Variants in PIGB observed in about 807,000 individuals in gnomAD.
PIGB encodes GPI alpha-1,2-mannosyltransferase 3.
In PIGB, 58 loss-of-function variants were observed where a neutral mutation model predicts 68.4. The observed-to-expected ratio is 0.85, with a 90% CI of 0.69 to 1.06. PIGB has a LOEUF of 1.06. Among genes scored for constraint, PIGB ranks in the 50% least tolerant of loss-of-function variants. The pLI is 0.00. For missense variants in PIGB, 634 were observed against 655.8 expected (o/e 0.97, Z 0.36); for synonymous variants, 219 against 220.5 (o/e 0.99, Z 0.06).
chr15:55,355,298 T>A lies in PIGB; in HGVS notation c.1531T>A (p.Phe511Ile). ...TATTTGCTTCTAGGAAATAAGCGCTTTCCTAATTTCAAGCAATTATAAAAG... is the reference window on the plus strand; with the variant it reads ...TATTTGCTTCTAGGAAATAAGCGCTATCCTAATTTCAAGCAATTATAAAAG... ...FSILEEEISA[F>I]LISSNYKRTA... The change falls in exon 12 of 12, where the codon TTC becomes ATC. Residue 511 changes from phenylalanine to isoleucine, a missense_variant. Physicochemically the swap from Phe to Ile is conservative, Grantham distance 21 (BLOSUM62 0). Transcript: ENST00000164305. 2.5e-6 allele frequency: 4 copies of A among 1,608,224 alleles called. No individual in the cohort carries two copies. The highest frequency in any genetic ancestry group is 3.4e-6 in the Non-Finnish European group (4 of 1,177,020).
rs1218231733 is a variant in PIGB, at chr15:55,355,438, C to G, written c.*6C>G. The G allele has an allele frequency of 1.2e-6, 2 of 1,600,106 alleles. No homozygotes were observed. Among genetic ancestry groups the G allele is most frequent in the African/African-American group, 2.7e-5 (2 of 74,338 alleles). On this transcript the variant is annotated 3_prime_UTR_variant, in exon 12 of 12. Coordinates refer to ENST00000164305, the MANE Select transcript of PIGB (RefSeq NM_004855.5). ...ACATGAAGATGAAATTCTGAACTTT[C>G]CTAGATAAATTAACATTGCTGGGTG... is the stretch of plus-strand genomic sequence containing the variant.
At chr15:55,345,304 A>ACAAT (rs548209139) in intron 9 of PIGB, among the ~76,000 whole-genome samples, 86 of 152,152 alleles carry the variant, frequency 5.7e-4, no homozygotes, top group Non-Finnish European at 1.1e-3. Flanking sequence ...CTCCCCAAAA[A>ACAAT]CAATCAGTTA....
chr15:55,339,199 G>A, intron 6 of PIGB, 68 bp from the exon 7 acceptor site: 1 of 1,084,766 alleles, frequency 9.2e-7, no homozygotes, highest in Non-Finnish European at 1.4e-6. Flanking sequence ...CACGTACAAA[G>A]CCATATGCTA....
chr15:55,329,490 C>T (rs1478012135), intron 4 of PIGB, among the ~76,000 whole-genome samples: 2 of 152,126 alleles, frequency 1.3e-5, no homozygotes, highest in Non-Finnish European at 2.9e-5. Flanking sequence ...CATAAAAATG[C>T]ACCTGAAAGT....
chr15:55,337,175 A>T (rs1012546083), intron 6 of PIGB, among the ~76,000 whole-genome samples: 6 of 152,244 alleles, frequency 3.9e-5, no homozygotes, highest in African/African-American at 1.4e-4. Flanking sequence ...CCACCATGAA[A>T]TACTACTATA....
At chr15:55,343,720 CTCTG>C (rs1341661857) in intron 9 of PIGB, 1 of 152,158 alleles carries the variant, frequency 6.6e-6, no homozygotes, top group East Asian at 1.9e-4. Context: ...TTCTTCCATC[CTCTG>C]TCTACTTAGA....
At chr15:55,333,786 A>G (rs12915831) in intron 5 of PIGB, 81 bp from the exon 6 acceptor site, 49,476 of 1,041,902 alleles carry the variant, frequency 0.047, 1,447 homozygotes, top group Middle Eastern at 0.067. Flanking sequence ...TACCAAAAGG[A>G]AAATGTCAAA....
chr15:55,336,905 G>A (rs187199050), intron 6 of PIGB, among the ~76,000 whole-genome samples: 2 of 152,232 alleles, frequency 1.3e-5, no homozygotes, highest in East Asian at 1.9e-4. Context: ...CAGGAGAAAC[G>A]ATTGAACCCC....
At chr15:55,321,644 T>C (rs1323067411) in intron 3 of PIGB, among the ~76,000 whole-genome samples, 1 of 142,124 alleles carries the variant, frequency 7.0e-6, no homozygotes, top group Non-Finnish European at 1.5e-5. Context: ...GTATACTTCT[T>C]TCTTTTTTTT....
intron 11 of PIGB, 105 bp downstream of exon 11, chr15:55,355,083 AC>A: frequency 9.7e-7 from 1 of 1,029,058 alleles, no homozygotes; most frequent in Admixed American, 2.7e-5. Context: ...GTCTGTTTCA[AC>A]CCACATTTCA....
intron 5 of PIGB, among the ~76,000 whole-genome samples, chr15:55,330,081 G>T (rs1324263451): frequency 6.6e-6 from 1 of 152,132 alleles, no homozygotes; most frequent in Non-Finnish European, 1.5e-5. Flanking sequence ...ATTTAGAAAA[G>T]CCAATAAGGA....
rs2056038903 is a variant in PIGB, at chr15:55,354,909, G to C, written c.1449G>C (p.Trp483Cys). 1 of 1,613,220 alleles carries C rather than the reference G, an allele frequency of 6.2e-7. No individual in the cohort carries two copies. Among genetic ancestry groups the C allele is most frequent in the Admixed American group, 1.7e-5 (1 of 59,934 alleles). ...ADVFYLNPLNWLHREFHDDAS... is the reference protein window; with the variant it reads ...ADVFYLNPLNCLHREFHDDAS... ...TATTTTACCTAAATCCCTTAAACTGGTTACATAGAGAGTTTCATGATGATG... is the reference window on the plus strand; with the variant it reads ...TATTTTACCTAAATCCCTTAAACTGCTTACATAGAGAGTTTCATGATGATG... Residue 483 changes from tryptophan to cysteine, a missense_variant, in exon 11 of 12, where the codon TGG (tryptophan) becomes TGC (cysteine). Transcript: ENST00000164305.
At chr15:55,354,501 A>C in intron 10 of PIGB, 1 of 270,858 alleles carries the variant, frequency 3.7e-6, no homozygotes, top group Non-Finnish European at 6.8e-6. Flanking sequence ...GGAACAGAAT[A>C]CCAATGCTAC....
In PIGB at chr15:55,355,606, A is replaced by T; in HGVS notation, c.*174A>T. 2.2e-6 allele frequency: 1 copy of T among 447,042 alleles called. No individual in the cohort carries two copies. Among genetic ancestry groups the T allele is most frequent in the Non-Finnish European group, 3.9e-6 (1 of 256,952 alleles). The allele number at this position is 447,042 out of a possible 1,614,324, so 27.7% of individuals were successfully genotyped here. A position where few individuals can be genotyped will look rare whatever the true frequency, so the allele number is the denominator to read the frequency against. ...ACCACATAGTATAAAATTACATGTT[A>T]ATACAATGCCAGATTTTAAATAAAG... On this transcript the variant is annotated 3_prime_UTR_variant, in exon 12 of 12. Transcript: ENST00000164305.
intron 5 of PIGB, among the ~76,000 whole-genome samples, chr15:55,330,215 A>G (rs1271957013): frequency 6.6e-6 from 1 of 152,226 alleles, no homozygotes; most frequent in Non-Finnish European, 1.5e-5. Context: ...AGAGTGCCCC[A>G]GCAGGGACAG....
intron 9 of PIGB, among the ~76,000 whole-genome samples, chr15:55,344,890 C>CTTTT (rs1164109873): frequency 1.2e-3 from 122 of 98,890 alleles, no homozygotes; most frequent in African/African-American, 2.0e-3. Context: ...ATATTCTTAT[C>CTTTT]TTTTTTTTTT....
chr15:55,319,397 C>T lies in PIGB; in HGVS notation c.147C>T (p.Ser49=). ...TGTACTTCAACACCCAGGAGAAGAG[C>T]GCCAGGCGCCGCGGGGGTGAGTGAG... ...STLYFNTQEK[S]ARRRGDLLGE... Residue 49 remains serine (S), a synonymous_variant, in exon 1 of 12, where the codon AGC becomes AGT. Coordinates refer to ENST00000164305, the MANE Select transcript of PIGB (RefSeq NM_004855.5). 1 of 1,551,980 alleles carries T rather than the reference C, an allele frequency of 6.4e-7. No homozygotes were observed. The highest frequency in any genetic ancestry group is 8.7e-7 in the Non-Finnish European group (1 of 1,147,114).
chr15:55,332,625 G>A (rs183422257), intron 5 of PIGB, among the ~76,000 whole-genome samples: 11 of 151,886 alleles, frequency 7.2e-5, no homozygotes, highest in Admixed American at 1.3e-4. Flanking sequence ...CACCCACCTC[G>A]GCCTCCCAAA....
At chr15:55,350,395 T>A in intron 9 of PIGB, 1 of 353,208 alleles carries the variant, frequency 2.8e-6, no homozygotes. Flanking sequence ...AATAAGGTAC[T>A]ATTATCCCAA....
Sources: gnomAD v4.1 joint callset for allele counts (sites outside exome capture counted in the v4.1 genomes callset) on GRCh38, gnomAD v4.1.1 for gene constraint, MANE v1.5 for transcripts, NCBI Gene and HGNC (gene_info 2026-07-23, HGNC 2026-07-21) for gene names.